DPPA2: variants seen among roughly 807,000 people sequenced by gnomAD.
The protein encoded by DPPA2 is developmental pluripotency-associated protein 2.
Under a neutral mutation model 36.2 loss-of-function variants are expected in DPPA2, and 26 were observed. That is an observed-to-expected ratio of 0.72 (90% CI 0.53 to 1.00). DPPA2 has a LOEUF of 1.00. Ranked by LOEUF, DPPA2 falls within the 50% of genes least tolerant of loss-of-function variation. The pLI is 0.00. For synonymous variants in DPPA2, 113 were observed against 123.2 expected (o/e 0.92, Z 0.55); for missense variants, 361 against 365.1 (o/e 0.99, Z 0.09).
At chr3:109,302,112 A>G (rs191701492) in intron 7 of DPPA2, among the ~76,000 whole-genome samples, 229 of 152,056 alleles carry the variant, frequency 1.5e-3, no homozygotes, top group Non-Finnish European at 2.7e-3. Context: ...TTCGCTGTCC[A>G]CCTTCCACTG....
chr3:109,294,426 C>T (rs891014732), intron 8 of DPPA2, among the ~76,000 whole-genome samples: 2 of 152,172 alleles, frequency 1.3e-5, no homozygotes, highest in Non-Finnish European at 2.9e-5. Flanking sequence ...CTGTTCTATT[C>T]TCCGTGTAAG....
intron 5 of DPPA2, 64 bp downstream of exon 5, chr3:109,308,962 G>A: frequency 1.1e-5 from 18 of 1,586,744 alleles, no homozygotes; most frequent in Admixed American, 3.3e-5. Context: ...ATGGTGCGAC[G>A]GTAGGGACCG....
intron 7 of DPPA2, among the ~76,000 whole-genome samples, chr3:109,301,202 C>T (rs1707451366): frequency 6.6e-6 from 1 of 151,894 alleles, no homozygotes. Context: ...CAGTCTCAAA[C>T]TCCTAAGCTC....
intron 8 of DPPA2, among the ~76,000 whole-genome samples, chr3:109,298,141 T>A (rs966702917): frequency 6.6e-6 from 1 of 152,090 alleles, no homozygotes; most frequent in Non-Finnish European, 1.5e-5. Flanking sequence ...CGGGGAGGGA[T>A]GAATTGGTGC....
chr3:109,308,355 C>G lies in DPPA2; in HGVS notation c.397-62G>C, dbSNP rs1233775403. 12 of 1,529,368 alleles carry G rather than the reference C, an allele frequency of 7.8e-6. No homozygotes were observed. The Admixed American group carries it at 2.7e-4, about 34-fold the overall frequency. 94.7% of individuals were successfully genotyped at this position (1,529,368 alleles called of 1,614,324 possible). A position where few individuals can be genotyped will look rare whatever the true frequency, so the allele number is the denominator to read the frequency against. Reference sequence around the variant, plus strand: ...GCTAGGGCTGTAAGGACTTTTGGGTCAATTTTATTATTCTTTTTTTTTTTG... The same window carrying G: ...GCTAGGGCTGTAAGGACTTTTGGGTGAATTTTATTATTCTTTTTTTTTTTG... On this transcript the variant is annotated intron_variant, in intron 5 of 8. Transcript: ENST00000478945.
chr3:109,299,850 G>T (rs1300197678), intron 8 of DPPA2, among the ~76,000 whole-genome samples: 1 of 150,788 alleles, frequency 6.6e-6, no homozygotes, highest in Admixed American at 6.6e-5. Context: ...ACTCCTCCTG[G>T]GTGCAAGTGA....
At chr3:109,296,597 C>T (rs34618257) in intron 8 of DPPA2, among the ~76,000 whole-genome samples, 48 of 151,994 alleles carry the variant, frequency 3.2e-4, no homozygotes, top group Admixed American at 1.2e-3. Flanking sequence ...ATTGTTTGAA[C>T]CCAGGAGGTG....
At chr3:109,313,590 C>A (rs1256033996) in intron 2 of DPPA2, among the ~76,000 whole-genome samples, 2 of 152,048 alleles carry the variant, frequency 1.3e-5, no homozygotes, top group African/African-American at 4.8e-5. Flanking sequence ...TATTAATTTT[C>A]CTGCTTTACA....
At chr3:109,298,585 G>A (rs1020144810) in intron 8 of DPPA2, among the ~76,000 whole-genome samples, 7 of 151,734 alleles carry the variant, frequency 4.6e-5, no homozygotes, top group Non-Finnish European at 1.0e-4. Flanking sequence ...GCATAGTGGC[G>A]GGTGCCTGTA....
At chr3:109,303,661 G>A (rs578093727) in intron 7 of DPPA2, among the ~76,000 whole-genome samples, 2 of 152,126 alleles carry the variant, frequency 1.3e-5, no homozygotes, top group East Asian at 1.9e-4. Context: ...GAGCCACCGC[G>A]CCTGGCCTTC....
At chr3:109,308,337 C>T in intron 5 of DPPA2, 44 bp from the exon 6 acceptor site, 1 of 1,577,284 alleles carries the variant, frequency 6.3e-7, no homozygotes, top group Non-Finnish European at 8.6e-7. Context: ...ACCGCTAGGG[C>T]TGTAAGGACT....
chr3:109,303,210 T>TGAGCC (rs1322342442), intron 7 of DPPA2, among the ~76,000 whole-genome samples: 32 of 152,168 alleles, frequency 2.1e-4, no homozygotes, highest in Admixed American at 2.0e-3. Context: ...AATACAGGCA[T>TGAGCC]GAGCCACTGC....
chr3:109,294,814 G>A (rs1707322683), intron 8 of DPPA2, among the ~76,000 whole-genome samples: 1 of 152,148 alleles, frequency 6.6e-6, no homozygotes, highest in Non-Finnish European at 1.5e-5. Context: ...ACGAGGTCAG[G>A]AGTTCAAGAG....
rs1707356622 is a variant in DPPA2 at position 109,296,646 on chromosome 3, G to A, written c.*23-2642C>T. Among the ~76,000 whole-genome samples, 3 of 150,658 alleles carry A rather than the reference G, an allele frequency of 2.0e-5. No individual in the cohort carries two copies. In the South Asian group the frequency reaches 6.2e-4, roughly 31 times the overall value. ...GCCAAGATCGCGCCATTGCGCTCCA[G>A]CTGGGAAAACAAGAGCAAAAACTCT... On this transcript the variant is annotated intron_variant, in intron 8 of 8. Coordinates refer to ENST00000478945, the MANE Select transcript of DPPA2 (RefSeq NM_138815.4).
rs149287862 is a variant in DPPA2 at position 109,303,527 on chromosome 3, G to T, written c.854+948C>A. On this transcript the variant is annotated intron_variant, in intron 7 of 8. Transcript: ENST00000478945. ...TGGGATTACAGGCATGTGCCACCAC[G>T]CCCAGCTAATTTTGTATTTTTAGTA... Among the ~76,000 whole-genome samples the T allele has an allele frequency of 9.5e-4, 145 of 151,934 alleles. 1 individual carries two copies. In the East Asian group the frequency reaches 0.028, roughly 29 times the overall value.
chr3:109,314,594 G>A, intron 1 of DPPA2, 39 bp from the exon 2 acceptor site: 2 of 1,563,004 alleles, frequency 1.3e-6, no homozygotes, highest in Non-Finnish European at 1.7e-6. Flanking sequence ...GGATATGGTA[G>A]TTTACTTCTC....
intron 6 of DPPA2, among the ~76,000 whole-genome samples, chr3:109,307,538 G>A (rs186341043): frequency 1.3e-3 from 192 of 150,384 alleles, no homozygotes; most frequent in African/African-American, 4.2e-3. Context: ...GGGAGGCAGA[G>A]GTTGCAGTGA....
At chr3:109,309,560 G>A (rs540673873) in intron 3 of DPPA2, among the ~76,000 whole-genome samples, 4 of 151,660 alleles carry the variant, frequency 2.6e-5, no homozygotes, top group Non-Finnish European at 5.9e-5. Flanking sequence ...CGTGCTGGCG[G>A]GCGCCTGTAG....
intron 8 of DPPA2, among the ~76,000 whole-genome samples, chr3:109,296,330 C>T (rs1434930885): frequency 6.6e-6 from 1 of 152,180 alleles, no homozygotes; most frequent in African/African-American, 2.4e-5. Context: ...TTACATTGGA[C>T]TTCTCTCCGT....
Sources: allele counts gnomAD v4.1 joint callset (sites outside exome capture counted in the v4.1 genomes callset), GRCh38; gene constraint gnomAD v4.1.1; transcripts MANE v1.5; gene names NCBI Gene and HGNC (gene_info 2026-07-23, HGNC 2026-07-21).